VPS13C: variants seen among roughly 807,000 people sequenced by gnomAD.
The protein encoded by VPS13C is vacuolar protein sorting 13 homolog C, also known as intermembrane lipid transfer protein VPS13C.
A neutral mutation model predicts 456.8 loss-of-function variants in VPS13C; 358 were observed. That is an observed-to-expected ratio of 0.78 (90% CI 0.72 to 0.86). VPS13C has a LOEUF of 0.86. Among genes scored for constraint, VPS13C ranks in the 40% least tolerant of loss-of-function variants. The probability of loss-of-function intolerance (pLI) is 0.00; values close to 1 mark genes in which losing one functional copy is unlikely to be tolerated. For missense variants in VPS13C, 4,818 were observed against 4,385.4 expected (o/e 1.10, Z -2.79); for synonymous variants, 1,578 against 1,486.7 (o/e 1.06, Z -1.41).
chr15:61,944,541 C>A (rs2044540774), intron 45 of VPS13C, among the ~76,000 whole-genome samples: 1 of 152,074 alleles, frequency 6.6e-6, no homozygotes, highest in Non-Finnish European at 1.5e-5. Flanking sequence ...CGAACAGAAA[C>A]CAAATACTAC....
Position 61,854,437 on chromosome 15 carries a change from G to A in VPS13C, c.*20C>T, listed in dbSNP as rs777111338. 6.2e-7 allele frequency: 1 copy of A among 1,602,608 alleles called. No homozygotes were observed. Among genetic ancestry groups the A allele is most frequent in the South Asian group, 1.1e-5 (1 of 90,850 alleles). ...CCAGTGATTGTTTTTTCTCCCTGTT[G>A]GAGCCCCTGAGGTCTGTGATTAAGA... On this transcript the variant is annotated 3_prime_UTR_variant, in exon 85 of 85. Coordinates refer to ENST00000644861, the MANE Select transcript of VPS13C (RefSeq NM_020821.3).
intron 19 of VPS13C, 126 bp downstream of exon 19, chr15:61,984,731 C>T: frequency 1.0e-6 from 1 of 966,138 alleles, no homozygotes; most frequent in Non-Finnish European, 1.5e-6. Flanking sequence ...AAAAGGCTAT[C>T]TTGACATATA....
At chr15:61,854,835 T>C in intron 84 of VPS13C, 36 bp downstream of exon 84, 1 of 1,558,200 alleles carries the variant, frequency 6.4e-7, no homozygotes, top group Non-Finnish European at 8.7e-7. Flanking sequence ...GTATTTCAGC[T>C]AAAAAAAATT....
At position 61,919,278 on chromosome 15, in the gene VPS13C, T is replaced by G. The variant is rs1384064498; in HGVS notation, c.7638+11A>C. 6.3e-7 allele frequency: 1 copy of G among 1,581,068 alleles called. No individual in the cohort carries two copies. Among genetic ancestry groups the G allele is most frequent in the Admixed American group, 1.9e-5 (1 of 53,790 alleles). On this transcript the variant is annotated intron_variant, in intron 58 of 84. Transcript: ENST00000644861. ...ACACTGAAAGGGATACAATTAACTT[T>G]GAAGTATTACCTGTAGAGGAGAGCG...
chr15:61,951,867 T>C lies in VPS13C; in HGVS notation c.4413A>G (p.Lys1471=). ...GCATACTAATTTTTTTTAGATAAGC[T>C]TTAGCAGTCATGTCATAGGTTTTAA... is the stretch of plus-strand genomic sequence containing the variant. ...AKVKTYDMTA[K]AYLKKISMQC... Residue 1471 remains lysine (K), a synonymous_variant, in exon 39 of 85, where the codon AAA becomes AAG. Coordinates refer to ENST00000644861, the MANE Select transcript of VPS13C (RefSeq NM_020821.3). The C allele has an allele frequency of 6.2e-7, 1 of 1,613,742 alleles. No individual in the cohort carries two copies. The highest frequency in any genetic ancestry group is 8.5e-7 in the Non-Finnish European group (1 of 1,179,828).
Position 61,854,874 on chromosome 15 carries a change from T to C in VPS13C, c.11157A>G (p.Ala3719=), listed in dbSNP as rs1212603372. ...RKVYLKDTAT[A]ERACNAIEDA... Reference sequence around the variant, plus strand: ...GCATGCTCTTTAAATTGTTTACCTCTGCTGTGGCGGTGTCCTTCAGGTAAA... The same window carrying C: ...GCATGCTCTTTAAATTGTTTACCTCCGCTGTGGCGGTGTCCTTCAGGTAAA... The change falls in exon 84 of 85, where the codon GCA becomes GCG. Residue 3719 remains alanine (A), a synonymous_variant. Coordinates refer to ENST00000644861, the MANE Select transcript of VPS13C (RefSeq NM_020821.3). 6.2e-7 allele frequency: 1 copy of C among 1,611,360 alleles called. No homozygotes were observed. The highest frequency in any genetic ancestry group is 8.5e-7 in the Non-Finnish European group (1 of 1,179,238).
chr15:62,000,538 T>C lies in VPS13C; in HGVS notation c.1353+26A>G, dbSNP rs746162528. 1.4e-5 allele frequency: 23 copies of C among 1,597,288 alleles called. No individual in the cohort carries two copies. The South Asian group carries it at 2.2e-4, about 15-fold the overall frequency. On this transcript the variant is annotated intron_variant, in intron 16 of 84. Transcript: ENST00000644861. ...AGCGGGCATTAACATGTTTAAAACA[T>C]AAAATCAGCTAATAAAAATGATTAC...
chr15:61,930,795 A>C (rs1328309209), intron 50 of VPS13C, among the ~76,000 whole-genome samples: 1 of 152,266 alleles, frequency 6.6e-6, no homozygotes, highest in East Asian at 1.9e-4. Context: ...GGAATAATTT[A>C]GAAAAATACA....
intron 81 of VPS13C, chr15:61,866,808 T>C: frequency 1.0e-5 from 10 of 979,442 alleles, no homozygotes; most frequent in Non-Finnish European, 1.2e-5. Flanking sequence ...ATTTATTATT[T>C]TGATAACTGC....
intron 50 of VPS13C, among the ~76,000 whole-genome samples, chr15:61,930,486 C>T (rs959513594): frequency 1.3e-5 from 2 of 152,140 alleles, no homozygotes; most frequent in African/African-American, 2.4e-5. Context: ...AGGAGCAACA[C>T]AGTTTTTCTC....
intron 50 of VPS13C, among the ~76,000 whole-genome samples, chr15:61,930,247 T>G (rs1567017124): frequency 6.6e-6 from 1 of 152,190 alleles, no homozygotes; most frequent in Non-Finnish European, 1.5e-5. Context: ...TCAAGTGTGC[T>G]CAACTATAGT....
intron 9 of VPS13C, among the ~76,000 whole-genome samples, chr15:62,014,912 T>C (rs1202596581): frequency 6.6e-6 from 1 of 152,100 alleles, no homozygotes; most frequent in Non-Finnish European, 1.5e-5. Context: ...ATTACTTAAG[T>C]ATTAAAACTT....
chr15:61,907,385 G>C lies in VPS13C; in HGVS notation c.8984C>G (p.Ser2995Ter), dbSNP rs760487365. The C allele has an allele frequency of 1.3e-5, 21 of 1,613,686 alleles. No individual in the cohort carries two copies. Among genetic ancestry groups the C allele is most frequent in the Non-Finnish European group, 1.7e-5 (20 of 1,179,752 alleles). Residue 2995 changes from serine (S) to a stop codon, truncating the protein, a stop_gained, in exon 66 of 85, where the codon TCA becomes TGA. Transcript: ENST00000644861. LOFTEE classifies it high-confidence loss of function. ...WDILTYKQSG[S>*]PEEMVLLPRQ... ...TGGCAGCAAGACCATTTCTTCTGGT[G>C]ACCCACTAAAACACAATGAACAGAG... is the stretch of plus-strand genomic sequence containing the variant.
At position 61,969,387 on chromosome 15, in the gene VPS13C, CTGAG is replaced by C; in HGVS notation, c.2819_2822del (p.Thr940SerfsTer2). ...TTCTCATTGTGGCCTCTGTTCCTAA[CTGAG>C]TAACATTAAATACTAGAATTGTATC... is the stretch of plus-strand genomic sequence containing the variant. On this transcript the variant is annotated frameshift_variant, in exon 28 of 85. Coordinates refer to ENST00000644861, the MANE Select transcript of VPS13C (RefSeq NM_020821.3). LOFTEE classifies it high-confidence loss of function. 6.3e-7 allele frequency: 1 copy of C among 1,597,180 alleles called. No individual in the cohort carries two copies. The highest frequency in any genetic ancestry group is 8.5e-7 in the Non-Finnish European group (1 of 1,171,504).
At chr15:61,878,843 T>G (rs1055612930) in intron 73 of VPS13C, 97 bp from the exon 74 acceptor site, 1 of 1,271,526 alleles carries the variant, frequency 7.9e-7, no homozygotes. Context: ...AAAAAGTCTT[T>G]CGATTAGAGT....
At position 61,950,378 on chromosome 15, in the gene VPS13C, T is replaced by C. The variant is rs376227696; in HGVS notation, c.4576A>G (p.Ser1526Gly). The C allele has an allele frequency of 8.1e-6, 13 of 1,612,236 alleles. No individual in the cohort carries two copies. The African/African-American group carries it at 1.2e-4, about 15-fold the overall frequency. Residue 1526 changes from serine (S) to glycine (G), a missense_variant, in exon 41 of 85, where the codon AGT becomes GGT. Transcript: ENST00000644861. Reference sequence around the variant, plus strand: ...TTTACCTTCAGTCTCTGTTTGGTACTGTCATGAATAGTTTTAAATTCTGGT... The same window carrying C: ...TTTACCTTCAGTCTCTGTTTGGTACCGTCATGAATAGTTTTAAATTCTGGT... The part of the protein sequence containing the change: ...DGPEFKTIHD[S>G]TKQRLKVSFA...
At chr15:62,037,318 TATATATTATATACATTTATATATA>T (rs2048070954) in intron 3 of VPS13C, among the ~76,000 whole-genome samples, 2 of 77,546 alleles carry the variant, frequency 2.6e-5, no homozygotes, top group Non-Finnish European at 4.5e-5. Context: ...ATAAATATAT[TATATATTATATACATTTATATATA>T]ATATATTATA....
At chr15:61,903,747 A>C (rs2043072612) in intron 66 of VPS13C, among the ~76,000 whole-genome samples, 1 of 152,208 alleles carries the variant, frequency 6.6e-6, no homozygotes, top group Admixed American at 6.5e-5. Context: ...AACATACCAA[A>C]GTTATAGTAA....
chr15:61,893,857 GT>G (rs532482894), intron 66 of VPS13C, among the ~76,000 whole-genome samples: 1 of 152,008 alleles, frequency 6.6e-6, no homozygotes, highest in East Asian at 1.9e-4. Context: ...TCTATAAGAT[GT>G]TTTTTGTAAG....
Sources: gnomAD v4.1 joint callset for allele counts (sites outside exome capture counted in the v4.1 genomes callset) on GRCh38, gnomAD v4.1.1 for gene constraint, MANE v1.5 for transcripts, NCBI Gene and HGNC (gene_info 2026-07-23, HGNC 2026-07-21) for gene names.